The following ATXN1 variants were observed in gnomAD, a reference collection of about 807,000 sequenced individuals.
ATXN1 encodes the protein ataxin 1.
A neutral mutation model predicts 56.4 loss-of-function variants in ATXN1; 8 were observed. That is an observed-to-expected ratio of 0.14 (90% confidence interval 0.08 to 0.26). The LOEUF (loss-of-function observed/expected upper bound fraction) is 0.26, where lower values mean the gene tolerates loss of function less well. Ranked by LOEUF, ATXN1 falls within the 10% of genes least tolerant of loss-of-function variation. The pLI is 1.00. For synonymous variants in ATXN1, 514 were observed against 494.6 expected (o/e 1.04, Z -0.52); for missense variants, 987 against 1,106.5 (o/e 0.89, Z 1.53).
intron 2 of ATXN1, among the ~76,000 whole-genome samples, chr6:16,691,148 G>T (rs935104624): frequency 2.6e-5 from 4 of 152,202 alleles, no homozygotes; most frequent in Admixed American, 6.5e-5. Context: ...GAATTTCATT[G>T]TAAGTGTCGC....
chr6:16,658,676 G>C (rs1025148658), intron 2 of ATXN1, among the ~76,000 whole-genome samples: 1 of 152,312 alleles, frequency 6.6e-6, no homozygotes, highest in East Asian at 1.9e-4. Context: ...AGCATCTTCT[G>C]ATGCTTAGTC....
At chr6:16,539,716 A>G (rs1032120870) in intron 4 of ATXN1, among the ~76,000 whole-genome samples, 1 of 152,210 alleles carries the variant, frequency 6.6e-6, no homozygotes, top group East Asian at 1.9e-4. Context: ...ATCAGCCTCA[A>G]GGTCACCGAC....
chr6:16,327,078 G>T lies in ATXN1; in HGVS notation c.1233C>A (p.Asn411Lys). ...TCCCTAAATGCAGGCCACTTTTGTC[G>T]TTGAGGGTAGAAGGGGAGGCTTCAC... The part of the protein sequence containing the change: ...THREASPSTL[N>K]DKSGLHLGKP... The change falls in exon 7 of 8, where the codon AAC becomes AAA. Residue 411 changes from asparagine (N) to lysine (K), a missense_variant. Coordinates refer to ENST00000436367, the MANE Select transcript of ATXN1 (RefSeq NM_001128164.2). 1 of 1,613,908 alleles carries T rather than the reference G, an allele frequency of 6.2e-7. No individual in the cohort carries two copies. The highest frequency in any genetic ancestry group is 8.5e-7 in the Non-Finnish European group (1 of 1,180,024).
chr6:16,373,439 C>T (rs1762084576), intron 6 of ATXN1, among the ~76,000 whole-genome samples: 1 of 152,178 alleles, frequency 6.6e-6, no homozygotes, highest in African/African-American at 2.4e-5. Flanking sequence ...CTGTCCCACA[C>T]ACGTGTCTTG....
chr6:16,495,530 T>G (rs1760762260), intron 5 of ATXN1, among the ~76,000 whole-genome samples: 1 of 152,170 alleles, frequency 6.6e-6, no homozygotes, highest in South Asian at 2.1e-4. Flanking sequence ...CATGCAAAAT[T>G]GCATGGCTAC....
intron 6 of ATXN1, among the ~76,000 whole-genome samples, chr6:16,470,867 C>A (rs898253419): frequency 2.0e-5 from 3 of 152,082 alleles, no homozygotes; most frequent in African/African-American, 4.8e-5. Context: ...TCCTTCCAAC[C>A]CTTAGCCTTT....
intron 7 of ATXN1, among the ~76,000 whole-genome samples, chr6:16,311,758 A>G (rs1760396640): frequency 6.6e-6 from 1 of 152,234 alleles, no homozygotes; most frequent in Admixed American, 6.5e-5. Flanking sequence ...CATAAACTGA[A>G]CAGAAGGAAA....
At chr6:16,441,935 CAAT>C (rs1468419794) in intron 6 of ATXN1, among the ~76,000 whole-genome samples, 1 of 151,956 alleles carries the variant, frequency 6.6e-6, no homozygotes, top group Non-Finnish European at 1.5e-5. Context: ...AGAAGAAAAG[CAAT>C]AAAAACAGCA....
chr6:16,490,966 C>T (rs892140206), intron 5 of ATXN1, among the ~76,000 whole-genome samples: 4 of 152,152 alleles, frequency 2.6e-5, no homozygotes, highest in South Asian at 2.1e-4. Flanking sequence ...CCACCTCTTA[C>T]AGAAAGCCCA....
At chr6:16,528,463 G>A (rs1476588413) in intron 4 of ATXN1, among the ~76,000 whole-genome samples, 3 of 152,282 alleles carry the variant, frequency 2.0e-5, no homozygotes, top group African/African-American at 7.2e-5. Context: ...CCAATTGTGT[G>A]TCTCTGGTAA....
At chr6:16,661,219 T>C (rs895020864) in intron 2 of ATXN1, among the ~76,000 whole-genome samples, 16 of 152,088 alleles carry the variant, frequency 1.1e-4, no homozygotes, top group Admixed American at 3.9e-4. Context: ...TTACACCATA[T>C]GGAAAATAAA....
intron 6 of ATXN1, among the ~76,000 whole-genome samples, chr6:16,436,463 G>T (rs1235182981): frequency 1.3e-5 from 2 of 152,170 alleles, no homozygotes; most frequent in African/African-American, 2.4e-5. Flanking sequence ...AGAAAAGGGG[G>T]CTAGGGTGGT....
At chr6:16,503,279 A>G (rs1190229525) in intron 5 of ATXN1, among the ~76,000 whole-genome samples, 3 of 152,282 alleles carry the variant, frequency 2.0e-5, no homozygotes, top group Admixed American at 2.0e-4. Context: ...AGGCTACTGG[A>G]GAATGTGGTC....
intron 2 of ATXN1, among the ~76,000 whole-genome samples, chr6:16,722,516 G>A (rs1233735123): frequency 6.6e-6 from 1 of 152,124 alleles, no homozygotes; most frequent in Non-Finnish European, 1.5e-5. Context: ...CTGCCCCACT[G>A]TTTGTTCAAT....
chr6:16,319,852 TCTC>T lies in ATXN1; in HGVS notation c.1917+6539_1917+6541del, dbSNP rs796805212. 8.1e-4 allele frequency among the ~76,000 whole-genome samples: 123 copies of T among 151,432 alleles called. 1 individual carries two copies. Among genetic ancestry groups the T allele is most frequent in the African/African-American group, 2.6e-3 (108 of 41,342 alleles). On this transcript the variant is annotated intron_variant, in intron 7 of 7. Transcript: ENST00000436367. Reference sequence around the variant, plus strand: ...CATACAGTTTAAAGGAGAGCATTTTTCTCCTTTTTTTTTTTTTTTAGAGAGGTA... The same window carrying T: ...CATACAGTTTAAAGGAGAGCATTTTTCTTTTTTTTTTTTTTTAGAGAGGTA...
intron 4 of ATXN1, among the ~76,000 whole-genome samples, chr6:16,585,431 TAATCTCTACTACTTCTAC>T (rs1762604334): frequency 1.3e-5 from 2 of 152,220 alleles, no homozygotes; most frequent in African/African-American, 4.8e-5. Flanking sequence ...ATACTCTTAA[TAATCTCTACTACTTCTAC>T]AATCTCTACT....
intron 6 of ATXN1, among the ~76,000 whole-genome samples, chr6:16,351,247 T>C (rs942962547): frequency 1.3e-5 from 2 of 152,186 alleles, no homozygotes; most frequent in African/African-American, 2.4e-5. Flanking sequence ...TATGAGAACA[T>C]GAAGGAAATG....
At chr6:16,455,936 G>A (rs1022049690) in intron 6 of ATXN1, among the ~76,000 whole-genome samples, 2 of 152,194 alleles carry the variant, frequency 1.3e-5, no homozygotes, top group Admixed American at 1.3e-4. Context: ...GCACCAATCA[G>A]CAGGAGTATA....
At chr6:16,513,581 A>G (rs980701085) in intron 5 of ATXN1, among the ~76,000 whole-genome samples, 1 of 152,180 alleles carries the variant, frequency 6.6e-6, no homozygotes, top group African/African-American at 2.4e-5. Context: ...TTACTCACAA[A>G]TCAATCTAAC....
Sources: allele counts gnomAD v4.1 joint callset (sites outside exome capture counted in the v4.1 genomes callset), GRCh38; gene constraint gnomAD v4.1.1; transcripts MANE v1.5; gene names NCBI Gene and HGNC (gene_info 2026-07-23, HGNC 2026-07-21).